Variants in SEMA5A observed in about 807,000 individuals in gnomAD.
SEMA5A encodes semaphorin-5A.
Under a neutral mutation model 135.5 loss-of-function variants are expected in SEMA5A, and 55 were observed. The observed-to-expected ratio is 0.41, with a 90% CI of 0.33 to 0.51. SEMA5A has a LOEUF of 0.51. SEMA5A is among the 20% of genes least tolerant of loss of function. SEMA5A has a pLI of 0.37. For synonymous variants in SEMA5A, 580 were observed against 546.5 expected, an observed-to-expected ratio of 1.06 and a Z score of -0.85; for missense variants, 1,290 against 1,419.9, an observed-to-expected ratio of 0.91 and a Z score of 1.47.
intron 7 of SEMA5A, among the ~76,000 whole-genome samples, chr5:9,225,874 T>C (rs890429596): frequency 6.6e-6 from 1 of 152,136 alleles, no homozygotes; most frequent in African/African-American, 2.4e-5. Flanking sequence ...CTGAGAGGTA[T>C]TGGAGCAGAA....
chr5:9,412,298 C>T (rs147011037), intron 2 of SEMA5A, among the ~76,000 whole-genome samples: 3 of 151,660 alleles, frequency 2.0e-5, no homozygotes, highest in Admixed American at 6.6e-5. Flanking sequence ...ATTAAGTCCT[C>T]GAAAATTAAT....
chr5:9,182,150 C>T (rs1482084773), intron 11 of SEMA5A, among the ~76,000 whole-genome samples: 1 of 107,164 alleles, frequency 9.3e-6, no homozygotes, highest in African/African-American at 4.4e-5. Flanking sequence ...ATTGCTTCTG[C>T]CCCCCACCCC....
chr5:9,382,537 T>C (rs1169765363), intron 2 of SEMA5A, among the ~76,000 whole-genome samples: 2 of 152,032 alleles, frequency 1.3e-5, no homozygotes, highest in Admixed American at 6.5e-5. Context: ...GTCAAACAAA[T>C]GGGGAGGAAG....
At chr5:9,108,390 T>C in intron 15 of SEMA5A, 103 bp from the exon 16 acceptor site, 2 of 1,349,476 alleles carry the variant, frequency 1.5e-6, no homozygotes, top group South Asian at 2.6e-5. Context: ...CACATGGGCA[T>C]GCTCTGCGTG....
intron 6 of SEMA5A, among the ~76,000 whole-genome samples, chr5:9,235,657 C>G (rs934179544): frequency 6.6e-6 from 1 of 150,842 alleles, no homozygotes; most frequent in African/African-American, 2.4e-5. Context: ...ATTTTCAGAA[C>G]AGACACTGTG....
Position 9,237,906 on chromosome 5 carries a change from AAAC to A in SEMA5A, c.271-19_271-17del. On this transcript the variant is annotated splice_polypyrimidine_tract_variant and intron_variant, in intron 5 of 22. Transcript: ENST00000382496. ...ATTCCACAGCCTGTAGAAAACACCA[AAAC>A]AATAGCAGTCATGGTTTTGACTAAA... 2 of 1,612,310 alleles carry A rather than the reference AAAC, an allele frequency of 1.2e-6. No homozygotes were observed. The highest frequency in any genetic ancestry group is 2.2e-5 in the South Asian group (2 of 91,014).
chr5:9,459,295 A>G (rs543503212), intron 1 of SEMA5A, among the ~76,000 whole-genome samples: 1 of 152,312 alleles, frequency 6.6e-6, no homozygotes, highest in South Asian at 2.1e-4. Context: ...TTGTTTCTAC[A>G]AATAGAACAC....
At chr5:9,413,905 A>G (rs931644391) in intron 2 of SEMA5A, among the ~76,000 whole-genome samples, 3 of 152,196 alleles carry the variant, frequency 2.0e-5, no homozygotes, top group Non-Finnish European at 4.4e-5. Context: ...CTTTCAATGA[A>G]TTTCACTGAA....
At chr5:9,318,341 T>G (rs751247093) in intron 5 of SEMA5A, 31 bp downstream of exon 5, 1 of 1,599,414 alleles carries the variant, frequency 6.3e-7, no homozygotes, top group East Asian at 2.2e-5. Flanking sequence ...GGATGGAAAA[T>G]GAAAGCTTGA....
At chr5:9,142,486 A>G (rs1268599053) in intron 12 of SEMA5A, among the ~76,000 whole-genome samples, 1 of 152,204 alleles carries the variant, frequency 6.6e-6, no homozygotes, top group Non-Finnish European at 1.5e-5. Context: ...GTGCTTCCCA[A>G]ATACTGTGCA....
intron 5 of SEMA5A, among the ~76,000 whole-genome samples, chr5:9,276,734 G>A (rs1750283317): frequency 6.6e-6 from 1 of 152,090 alleles, no homozygotes; most frequent in Admixed American, 6.5e-5. Flanking sequence ...TTTAATAAAT[G>A]GTGTTGGGAA....
At chr5:9,453,504 G>A (rs890142692) in intron 1 of SEMA5A, among the ~76,000 whole-genome samples, 10 of 152,176 alleles carry the variant, frequency 6.6e-5, no homozygotes, top group African/African-American at 2.2e-4. Flanking sequence ...AGGCTGTGAT[G>A]TGCCCTATGA....
At position 9,449,294 on chromosome 5, in the gene SEMA5A, A is replaced by T. The variant is rs1022478569; in HGVS notation, c.-174-11442T>A. On this transcript the variant is annotated intron_variant, in intron 1 of 22. Coordinates refer to ENST00000382496, the MANE Select transcript of SEMA5A (RefSeq NM_003966.3). ...GACATGGATGAGGTTGGAAGCCATT[A>T]TCCTCAGCGAACTAATGCAGAAACA... 3.3e-5 allele frequency among the ~76,000 whole-genome samples: 5 copies of T among 152,320 alleles called. No homozygotes were observed. The East Asian group carries it at 9.6e-4, about 29-fold the overall frequency.
intron 1 of SEMA5A, among the ~76,000 whole-genome samples, chr5:9,483,054 C>T (rs1445568570): frequency 1.3e-5 from 2 of 152,260 alleles, no homozygotes; most frequent in African/African-American, 4.8e-5. Context: ...CATTAAATTG[C>T]CATGCCAATA....
chr5:9,179,727 A>T (rs1744398651), intron 11 of SEMA5A, among the ~76,000 whole-genome samples: 1 of 152,184 alleles, frequency 6.6e-6, no homozygotes. Flanking sequence ...CGGGCCTAAA[A>T]CAAACTCATA....
At chr5:9,214,832 T>C (rs1044310994) in intron 8 of SEMA5A, among the ~76,000 whole-genome samples, 1 of 152,174 alleles carries the variant, frequency 6.6e-6, no homozygotes, top group African/African-American at 2.4e-5. Flanking sequence ...AATTCAGATA[T>C]AGAATAAGCA....
intron 1 of SEMA5A, chr5:9,522,696 T>C (rs1422549627): frequency 6.6e-6 from 1 of 152,192 alleles, no homozygotes; most frequent in East Asian, 1.9e-4. Context: ...AAACCAAACA[T>C]TTGAGGCCCA....
chr5:9,102,418 G>A (rs1335137032), intron 16 of SEMA5A, among the ~76,000 whole-genome samples: 8 of 152,130 alleles, frequency 5.3e-5, no homozygotes, highest in Admixed American at 1.3e-4. Context: ...CATGGAACAC[G>A]AAGATGCTGC....
In SEMA5A at chr5:9,066,462, C is replaced by G; in HGVS notation, c.2258G>C (p.Arg753Pro). Residue 753 changes from arginine (R) to proline (P), a missense_variant, in exon 17 of 23, where the codon CGG (arginine) becomes CCG (proline). Coordinates refer to ENST00000382496, the MANE Select transcript of SEMA5A (RefSeq NM_003966.3). ...LEVGRQRIEM[R>P]YCSSDGTSGC... ...ACTGGTGCCGTCGCTAGAACAGTAC[C>G]GCATTTCGATTCTCTGTCTTCCCAC... 1 of 1,614,208 alleles carries G rather than the reference C, an allele frequency of 6.2e-7. No individual in the cohort carries two copies.
Sources: gnomAD v4.1 joint callset for allele counts (sites outside exome capture counted in the v4.1 genomes callset) on GRCh38, gnomAD v4.1.1 for gene constraint, MANE v1.5 for transcripts, NCBI Gene and HGNC (gene_info 2026-07-23, HGNC 2026-07-21) for gene names.